COMMD1: variants seen among roughly 807,000 people sequenced by gnomAD.
COMMD1 encodes the protein copper metabolism domain containing 1.
Under a neutral mutation model 17.2 loss-of-function variants are expected in COMMD1, and 10 were observed. The ratio of observed to expected loss-of-function variants is 0.58; its 90% CI spans 0.36 to 0.99. The LOEUF is 0.99. Among genes scored for constraint, COMMD1 ranks in the 50% least tolerant of loss-of-function variants. COMMD1 has a pLI of 0.01. For synonymous variants in COMMD1, 97 were observed against 91.6 expected (o/e 1.06, Z -0.34); for missense variants, 270 against 231.8 (o/e 1.17, Z -1.07).
intron 2 of COMMD1, among the ~76,000 whole-genome samples, chr2:62,110,602 A>G (rs770944965): frequency 2.6e-5 from 4 of 152,158 alleles, no homozygotes; most frequent in Non-Finnish European, 2.9e-5. Context: ...CAGTGTGGAC[A>G]CTGACCCTGA....
chr2:62,021,872 T>A (rs1669621126), intron 2 of COMMD1, among the ~76,000 whole-genome samples: 1 of 152,014 alleles, frequency 6.6e-6, no homozygotes, highest in Non-Finnish European at 1.5e-5. Flanking sequence ...AATCACTGTG[T>A]TTTTAACATC....
At chr2:61,994,179 A>T (rs537094909) in intron 1 of COMMD1, among the ~76,000 whole-genome samples, 4 of 151,754 alleles carry the variant, frequency 2.6e-5, no homozygotes, top group Non-Finnish European at 5.9e-5. Flanking sequence ...TGGAGATGGG[A>T]TTTCTCCATG....
chr2:62,101,316 G>C (rs1034280980), intron 2 of COMMD1, among the ~76,000 whole-genome samples: 1 of 152,136 alleles, frequency 6.6e-6, no homozygotes, highest in Non-Finnish European at 1.5e-5. Context: ...CCAGTCAAAA[G>C]TATTGAGTCC....
chr2:62,067,166 G>A (rs562880179), intron 2 of COMMD1, among the ~76,000 whole-genome samples: 9 of 151,794 alleles, frequency 5.9e-5, no homozygotes, highest in African/African-American at 1.2e-4. Flanking sequence ...CGGAGGTTGC[G>A]GTGAGCAGAG....
At chr2:62,064,784 A>G (rs1396009723) in intron 2 of COMMD1, among the ~76,000 whole-genome samples, 3 of 152,132 alleles carry the variant, frequency 2.0e-5, no homozygotes, top group Non-Finnish European at 4.4e-5. Context: ...TAACCTTTCT[A>G]AATTTTTAAA....
At chr2:62,001,992 G>A (rs1668958407) in intron 2 of COMMD1, among the ~76,000 whole-genome samples, 1 of 151,650 alleles carries the variant, frequency 6.6e-6, no homozygotes, top group Non-Finnish European at 1.5e-5. Context: ...ACAGAGACCA[G>A]AAACCCCGCC....
chr2:61,930,230 C>G (rs776430257), intron 1 of COMMD1, among the ~76,000 whole-genome samples: 1 of 152,096 alleles, frequency 6.6e-6, no homozygotes, highest in African/African-American at 2.4e-5. Flanking sequence ...GCTCTGGCAT[C>G]CAGAACTGAT....
chr2:62,013,542 A>T (rs773969419), intron 2 of COMMD1, among the ~76,000 whole-genome samples: 1 of 152,196 alleles, frequency 6.6e-6, no homozygotes, highest in Admixed American at 6.5e-5. Context: ...GTAGGGGGAA[A>T]AAAGTGAAAG....
intron 1 of COMMD1, among the ~76,000 whole-genome samples, chr2:61,941,021 CT>C (rs1184664785): frequency 6.8e-6 from 1 of 147,720 alleles, no homozygotes; most frequent in African/African-American, 2.6e-5. Flanking sequence ...TTTCCTTTCC[CT>C]TTTTTTTGTT....
intron 2 of COMMD1, among the ~76,000 whole-genome samples, chr2:62,028,155 C>T (rs1669817364): frequency 6.6e-6 from 1 of 152,174 alleles, no homozygotes; most frequent in African/African-American, 2.4e-5. Flanking sequence ...TTCTGCTACC[C>T]AGCTGACTTC....
intron 2 of COMMD1, among the ~76,000 whole-genome samples, chr2:62,046,916 G>A (rs1670399069): frequency 6.6e-6 from 1 of 152,176 alleles, no homozygotes; most frequent in Non-Finnish European, 1.5e-5. Flanking sequence ...GGTATCTTTG[G>A]ATGCAAAGTA....
chr2:62,112,286 G>C (rs1435639493), intron 2 of COMMD1, among the ~76,000 whole-genome samples: 2 of 152,192 alleles, frequency 1.3e-5, no homozygotes, highest in Non-Finnish European at 2.9e-5. Flanking sequence ...ACTCTTGGAA[G>C]AGCACAAAGC....
At chr2:62,050,315 G>C (rs1435763294) in intron 2 of COMMD1, among the ~76,000 whole-genome samples, 1 of 152,132 alleles carries the variant, frequency 6.6e-6, no homozygotes, top group African/African-American at 2.4e-5. Context: ...AATTATAAAA[G>C]TGACATAACT....
chr2:61,917,954 C>T (rs550907737), intron 1 of COMMD1, among the ~76,000 whole-genome samples: 23 of 152,330 alleles, frequency 1.5e-4, no homozygotes, highest in African/African-American at 5.5e-4. Context: ...TAACTTTTGA[C>T]TTCTTAGGTC....
chr2:61,898,025 CT>C (rs1408842477), intron 1 of COMMD1, among the ~76,000 whole-genome samples: 1 of 152,130 alleles, frequency 6.6e-6, no homozygotes, highest in Non-Finnish European at 1.5e-5. Context: ...CTGATAGCTA[CT>C]TTTAGGTACT....
At chr2:61,999,232 G>T (rs1200609436) in intron 1 of COMMD1, among the ~76,000 whole-genome samples, 1 of 152,182 alleles carries the variant, frequency 6.6e-6, no homozygotes, top group Non-Finnish European at 1.5e-5. Context: ...GCTATGGTAT[G>T]CTAAAGATTA....
At chr2:61,972,160 G>C (rs1030791430) in intron 1 of COMMD1, among the ~76,000 whole-genome samples, 1 of 151,898 alleles carries the variant, frequency 6.6e-6, no homozygotes, top group African/African-American at 2.4e-5. Context: ...ATAATTCTAA[G>C]GTTATAATAA....
intron 1 of COMMD1, among the ~76,000 whole-genome samples, chr2:61,985,986 T>C (rs1324675045): frequency 6.6e-6 from 1 of 152,174 alleles, no homozygotes; most frequent in Non-Finnish European, 1.5e-5. Context: ...CTTCAGATGA[T>C]TTCTTATTGC....
chr2:61,941,419 G>T (rs1375965619), intron 1 of COMMD1, among the ~76,000 whole-genome samples: 1 of 152,174 alleles, frequency 6.6e-6, no homozygotes, highest in Non-Finnish European at 1.5e-5. Context: ...TGTGGGAGGG[G>T]TACCCATGTA....
Sources: gnomAD v4.1 joint callset for allele counts (sites outside exome capture counted in the v4.1 genomes callset) on GRCh38, gnomAD v4.1.1 for gene constraint, MANE v1.5 for transcripts, NCBI Gene and HGNC (gene_info 2026-07-23, HGNC 2026-07-21) for gene names.